The following PHF24 variants were observed in gnomAD, a reference collection of about 807,000 sequenced individuals.
PHF24 encodes PHD finger protein 24, also known as Galpha inhibitory interacting protein.
In PHF24, 25 loss-of-function variants were observed where a neutral mutation model predicts 42.6. The ratio of observed to expected loss-of-function variants is 0.59; its 90% confidence interval spans 0.43 to 0.82. The LOEUF (loss-of-function observed/expected upper bound fraction) is 0.82, where lower values mean the gene tolerates loss of function less well. PHF24 is among the 40% of genes least tolerant of loss of function. The pLI, the probability that PHF24 is intolerant of heterozygous loss-of-function variation, is 0.00. For missense variants in PHF24, 470 were observed against 538.1 expected, an observed-to-expected ratio of 0.87 and a Z score of 1.25; for synonymous variants, 185 against 204.8, an observed-to-expected ratio of 0.90 and a Z score of 0.83.
chr9:34,842,670 G>A, the PHF24 span, among the ~76,000 whole-genome samples: 2 of 152,164 alleles, frequency 1.3e-5, no homozygotes, highest in Non-Finnish European at 2.9e-5. Flanking sequence ...CCAGCACCTC[G>A]ATCTTGTACA....
At chr9:34,870,734 C>T in the PHF24 span, among the ~76,000 whole-genome samples, 1 of 152,066 alleles carries the variant, frequency 6.6e-6, no homozygotes, top group Non-Finnish European at 1.5e-5. Context: ...TTCACAATGG[C>T]AAAGACATGG....
chr9:34,897,903 G>A, the PHF24 span, among the ~76,000 whole-genome samples: 5 of 152,176 alleles, frequency 3.3e-5, no homozygotes, highest in Admixed American at 6.5e-5. Context: ...TAGCTCCAAC[G>A]TATCAGTGAG....
the PHF24 span, among the ~76,000 whole-genome samples, chr9:34,712,613 TTC>T: frequency 6.6e-6 from 1 of 152,194 alleles, no homozygotes; most frequent in African/African-American, 2.4e-5. Context: ...AGTCCTTTTT[TTC>T]TTTTTACTAA....
chr9:34,690,838 G>T, the PHF24 span, among the ~76,000 whole-genome samples: 1 of 152,194 alleles, frequency 6.6e-6, no homozygotes, highest in Non-Finnish European at 1.5e-5. Flanking sequence ...AATAGAGCTT[G>T]CAGAGACAGT....
the PHF24 span, among the ~76,000 whole-genome samples, chr9:34,760,424 T>C: frequency 1.3e-5 from 2 of 152,180 alleles, no homozygotes; most frequent in Non-Finnish European, 2.9e-5. Context: ...ATCTCAAATA[T>C]ACCAAGGTGC....
the PHF24 span, among the ~76,000 whole-genome samples, chr9:34,681,552 T>A: frequency 6.6e-6 from 1 of 152,306 alleles, no homozygotes; most frequent in Non-Finnish European, 1.5e-5. Context: ...GGCTCACACC[T>A]GTAATCCCAG....
chr9:34,803,397 GAA>G, the PHF24 span, among the ~76,000 whole-genome samples: 2,546 of 147,652 alleles, frequency 0.017, 60 homozygotes, highest in East Asian at 0.1. Context: ...TTCTAAAAAG[GAA>G]AAAAAAAAAA....
chr9:34,859,360 G>C, the PHF24 span, among the ~76,000 whole-genome samples: 3 of 152,230 alleles, frequency 2.0e-5, no homozygotes, highest in East Asian at 3.9e-4. Context: ...TCAGTTTGAG[G>C]GGGGAATTGA....
chr9:34,899,907 C>G, the PHF24 span, among the ~76,000 whole-genome samples: 1 of 152,170 alleles, frequency 6.6e-6, no homozygotes. Flanking sequence ...TCACTCCAGA[C>G]TAATGAATCG....
intron 1 of PHF24, among the ~76,000 whole-genome samples, chr9:34,961,158 T>C (rs1383580373): frequency 6.6e-6 from 1 of 152,194 alleles, no homozygotes; most frequent in African/African-American, 2.4e-5. Context: ...ATGCAAATAG[T>C]TTCCCTTCTC....
chr9:34,843,925 G>A, the PHF24 span, among the ~76,000 whole-genome samples: 2 of 151,948 alleles, frequency 1.3e-5, no homozygotes, highest in Admixed American at 6.6e-5. Context: ...ATCAGGTCCT[G>A]TACTTTTCTT....
chr9:34,827,084 G>A, the PHF24 span, among the ~76,000 whole-genome samples: 2 of 152,098 alleles, frequency 1.3e-5, no homozygotes, highest in Non-Finnish European at 2.9e-5. Context: ...TCAGCAGCAT[G>A]AGCCCATGCT....
the PHF24 span, among the ~76,000 whole-genome samples, chr9:34,900,133 C>T: frequency 6.6e-6 from 1 of 152,118 alleles, no homozygotes; most frequent in Non-Finnish European, 1.5e-5. Flanking sequence ...AATTTGAATA[C>T]AATTTATGCC....
the PHF24 span, among the ~76,000 whole-genome samples, chr9:34,740,226 C>G: frequency 2.6e-5 from 4 of 152,236 alleles, no homozygotes; most frequent in Non-Finnish European, 5.9e-5. Flanking sequence ...AGTCCCCGGC[C>G]GTGCGCCCGC....
At chr9:34,910,864 C>A in the PHF24 span, among the ~76,000 whole-genome samples, 11 of 151,838 alleles carry the variant, frequency 7.2e-5, no homozygotes, top group African/African-American at 2.7e-4. Flanking sequence ...ATTCTGCCAC[C>A]CAGGCTGGAG....
the PHF24 span, chr9:34,894,606 G>A: frequency 2.5e-6 from 1 of 397,758 alleles, no homozygotes; most frequent in Middle Eastern, 6.3e-4. Flanking sequence ...GAAAACCCCA[G>A]AGTCAGAACA....
chr9:34,918,559 A>G, the PHF24 span, among the ~76,000 whole-genome samples: 35 of 152,330 alleles, frequency 2.3e-4, no homozygotes, highest in Non-Finnish European at 7.3e-5. Flanking sequence ...CAACCTGTAT[A>G]TCTTAAGATA....
At chr9:34,724,198 G>T in the PHF24 span, 1 of 1,551,390 alleles carries the variant, frequency 6.4e-7, no homozygotes, top group East Asian at 2.4e-5. Flanking sequence ...TGTTCACATT[G>T]GCCTCTACCT....
At chr9:34,802,980 C>T in the PHF24 span, among the ~76,000 whole-genome samples, 89 of 148,392 alleles carry the variant, frequency 6.0e-4, no homozygotes, top group Middle Eastern at 0.014. Flanking sequence ...AATCCTTGCT[C>T]CCTCACCTAC....
Sources: gnomAD v4.1 joint callset for allele counts (sites outside exome capture counted in the v4.1 genomes callset) on GRCh38, gnomAD v4.1.1 for gene constraint, MANE v1.5 for transcripts, NCBI Gene and HGNC (gene_info 2026-07-23, HGNC 2026-07-21) for gene names.